The following CYFIP1 variants were observed in gnomAD, a reference collection of about 807,000 sequenced individuals.
The protein encoded by CYFIP1 is cytoplasmic FMR1 interacting protein 1.
Under a neutral mutation model 163.5 loss-of-function variants are expected in CYFIP1, and 58 were observed. That is an observed-to-expected ratio of 0.35 (90% CI 0.29 to 0.44). The LOEUF is 0.44. Ranked by LOEUF, CYFIP1 falls within the 20% of genes least tolerant of loss-of-function variation. The pLI is 1.00. For missense variants in CYFIP1, 1,338 were observed against 1,653.8 expected, an observed-to-expected ratio of 0.81 and a Z score of 3.31; for synonymous variants, 663 against 660.7, an observed-to-expected ratio of 1.00 and a Z score of -0.05.
At chr15:22,888,660 A>T (rs879472119) in intron 23 of CYFIP1, among the ~76,000 whole-genome samples, 1 of 150,462 alleles carries the variant, frequency 6.6e-6, no homozygotes, top group Admixed American at 6.7e-5. Flanking sequence ...TGAGCCTGGG[A>T]GGCGGAGGTT....
rs745545918 is a variant in CYFIP1, at chr15:22,917,894, G to C, written c.1568C>G (p.Thr523Arg). The change falls in exon 15 of 31, where the codon ACG becomes AGG. Residue 523 changes from threonine (T) to arginine (R), a missense_variant. Coordinates refer to ENST00000617928, the MANE Select transcript of CYFIP1 (RefSeq NM_014608.6). This position sits in a 1 kb window ranked among gnomAD's most constrained non-coding sequence, Gnocchi z 4.2. ...AIRKTVCDWE[T>R]GHEPFNDPAL... Reference sequence around the variant, plus strand: ...TGGGTCATTGAAGGGCTCATGCCCCGTCTCCCAGTCACACACGGTCTTCCT... The same window carrying C: ...TGGGTCATTGAAGGGCTCATGCCCCCTCTCCCAGTCACACACGGTCTTCCT... 3.1e-5 allele frequency: 50 copies of C among 1,613,632 alleles called. No homozygotes were observed. Among genetic ancestry groups the C allele is most frequent in the Non-Finnish European group, 1.7e-6 (2 of 1,179,854 alleles).
At chr15:22,964,404 C>A in intron 1 of CYFIP1, among the ~76,000 whole-genome samples, 1 of 147,324 alleles carries the variant, frequency 6.8e-6, no homozygotes, top group East Asian at 2.0e-4. Context: ...CACACACACA[C>A]ACACCCGGCA....
chr15:22,916,132 G>A (rs148578386), intron 16 of CYFIP1, among the ~76,000 whole-genome samples: 4 of 152,292 alleles, frequency 2.6e-5, no homozygotes, highest in Non-Finnish European at 5.9e-5. Flanking sequence ...TTCCCCCCAC[G>A]TCATGGTCTG....
chr15:22,916,913 C>G (rs367586619), intron 15 of CYFIP1: 47 of 1,551,622 alleles, frequency 3.0e-5, no homozygotes, highest in Non-Finnish European at 7.0e-6. Context: ...GGTAGGTGCA[C>G]GACTGCCTCA....
rs2063304530 is a variant in CYFIP1, at chr15:22,977,030, T to A, written c.-7+3257A>T. On this transcript the variant is annotated intron_variant, in intron 1 of 30. Transcript: ENST00000617928. The stretch of plus-strand genomic sequence containing the variant: ...GCCTGACCAACACGGAGAAACCCCA[T>A]CTCTACTAAAAACACAAAATTAGCC... 3.3e-5 allele frequency among the ~76,000 whole-genome samples: 5 copies of A among 151,926 alleles called. No individual in the cohort carries two copies. The South Asian group carries it at 1.0e-3, about 32-fold the overall frequency.
chr15:22,923,942 C>CAAAAAAAAAAAAAAA (rs916058496), intron 13 of CYFIP1, among the ~76,000 whole-genome samples: 2 of 61,796 alleles, frequency 3.2e-5, no homozygotes, highest in African/African-American at 7.3e-5. Flanking sequence ...ACCTTGTCTC[C>CAAAAAAAAAAAAAAA]AAAAAAAAAA....
chr15:22,903,632 C>T, intron 22 of CYFIP1, 74 bp downstream of exon 22: 1 of 1,497,470 alleles, frequency 6.7e-7, no homozygotes, highest in Non-Finnish European at 9.2e-7. Flanking sequence ...GACCTGGTGA[C>T]ATGGAGGAAG....
chr15:22,936,669 C>T (rs1356799761), intron 9 of CYFIP1, among the ~76,000 whole-genome samples: 5 of 152,194 alleles, frequency 3.3e-5, no homozygotes, highest in Admixed American at 3.3e-4. Flanking sequence ...CAACAGAGGA[C>T]AGTCGACCAG....
chr15:22,917,772 C>A lies in CYFIP1; in HGVS notation c.1674+16G>T. On this transcript the variant is annotated intron_variant, in intron 15 of 30. Transcript: ENST00000617928. This position sits in a 1 kb window ranked among gnomAD's most constrained non-coding sequence, Gnocchi z 4.2. ...CCCCAGGGAGAGGGTGCAGGCGGGGCTCAAGGGACGAGAACCTGAGTGCTG... is the reference window on the plus strand; with the variant it reads ...CCCCAGGGAGAGGGTGCAGGCGGGGATCAAGGGACGAGAACCTGAGTGCTG... The A allele has an allele frequency of 6.3e-7, 1 of 1,588,426 alleles. No individual in the cohort carries two copies. Among genetic ancestry groups the A allele is most frequent in the South Asian group, 1.2e-5 (1 of 86,038 alleles).
intron 11 of CYFIP1, among the ~76,000 whole-genome samples, chr15:22,931,078 A>G (rs2142216177): frequency 6.6e-6 from 1 of 152,238 alleles, no homozygotes; most frequent in African/African-American, 2.4e-5. Context: ...GTTTGGTTAC[A>G]TGATGATGAC....
rs2060753308 is a variant in CYFIP1 at position 22,910,597 on chromosome 15, A to T, written c.2191T>A (p.Cys731Ser). 3 of 1,614,070 alleles carry T rather than the reference A, an allele frequency of 1.9e-6. No individual in the cohort carries two copies. In the African/African-American group the frequency reaches 4.0e-5, roughly 22 times the overall value. ...TGGATCGTGGCTCCCTGATTCTTGC[A>T]TTCTGATCGTAACCGTTTATCAAGA... is the stretch of plus-strand genomic sequence containing the variant. ...LLLDKRLRSE[C>S]KNQGATIHLP... Residue 731 changes from cysteine to serine, a missense_variant, in exon 20 of 31, where the codon TGC becomes AGC. This residue lies in a region of CYFIP1 where 824 missense variants were observed against 995.7 expected (regional missense o/e 0.83). Transcript: ENST00000617928.
chr15:22,896,932 C>T (rs2060255075), intron 22 of CYFIP1, among the ~76,000 whole-genome samples: 1 of 152,102 alleles, frequency 6.6e-6, no homozygotes, highest in South Asian at 2.1e-4. Context: ...GTTGGCCGGG[C>T]GAGGTGGCTC....
chr15:22,934,784 C>T (rs2061662140), intron 9 of CYFIP1, among the ~76,000 whole-genome samples: 1 of 152,026 alleles, frequency 6.6e-6, no homozygotes, highest in Non-Finnish European at 1.5e-5. Flanking sequence ...AGGCATAAGC[C>T]ACCGTGCCCA....
intron 10 of CYFIP1, 87 bp downstream of exon 10, chr15:22,933,715 C>T: frequency 1.1e-6 from 1 of 950,838 alleles, no homozygotes; most frequent in East Asian, 2.4e-5. Flanking sequence ...ACAGTGTTAT[C>T]TCTAGACAAA....
rs768964942 is a variant in CYFIP1 at position 22,944,875 on chromosome 15, C to T, written c.272G>A (p.Arg91Gln). The T allele has an allele frequency of 3.1e-6, 5 of 1,613,934 alleles. No individual in the cohort carries two copies. The highest frequency in any genetic ancestry group is 2.2e-5 in the East Asian group (1 of 44,872). The change falls in exon 4 of 31, where the codon CGG becomes CAG. Residue 91 changes from arginine to glutamine, a missense_variant. Coordinates refer to ENST00000617928, the MANE Select transcript of CYFIP1 (RefSeq NM_014608.6). ...CGAGCGTGGCACCTGTGGGATGGCC[C>T]GGGAGCAGCTCCTCCAGGTGTACAG... The part of the protein sequence containing the change: ...VMLYTWRSCS[R>Q]AIPQVKCNEQ...
Position 22,918,780 on chromosome 15 carries a change from C to A in CYFIP1, c.1438G>T (p.Val480Phe). ...SVFNHAIRHT[V>F]YAALQDFSQV... is the part of the protein sequence containing the mutation. ...GAGAAGTCCTGCAGTGCGGCATAGA[C>A]GGTGTGCCGGATGGCGTGGTTGAAC... The change falls in exon 14 of 31, where the codon GTC becomes TTC. Residue 480 changes from valine (V) to phenylalanine (F), a missense_variant. Coordinates refer to ENST00000617928, the MANE Select transcript of CYFIP1 (RefSeq NM_014608.6). 1.9e-6 allele frequency: 3 copies of A among 1,613,410 alleles called. No homozygotes were observed. Among genetic ancestry groups the A allele is most frequent in the Non-Finnish European group, 2.5e-6 (3 of 1,179,564 alleles).
chr15:22,921,655 A>G (rs987106253), intron 13 of CYFIP1, among the ~76,000 whole-genome samples: 1 of 151,760 alleles, frequency 6.6e-6, no homozygotes, highest in Non-Finnish European at 1.5e-5. Flanking sequence ...TGTATCTACT[A>G]AAAATACAAA....
In CYFIP1 at chr15:22,870,007, T is replaced by TA. The variant is rs1168786531; in HGVS notation, c.*20dup. 1 of 1,558,640 alleles carries TA rather than the reference T, an allele frequency of 6.4e-7. No homozygotes were observed. The highest frequency in any genetic ancestry group is 1.4e-5 in the African/African-American group (1 of 71,750). On this transcript the variant is annotated 3_prime_UTR_variant, in exon 31 of 31. Coordinates refer to ENST00000617928, the MANE Select transcript of CYFIP1 (RefSeq NM_014608.6). ...GAGAGAAAGGCATGCCATGTTGAGT[T>TA]ACGGAGTGCAGCGCGTGCCCTCAGC...
In CYFIP1 at chr15:22,942,768, C is replaced by T. The variant is rs1046751422; in HGVS notation, c.569+405G>A. Among the ~76,000 whole-genome samples, 44 of 152,274 alleles carry T rather than the reference C, an allele frequency of 2.9e-4. 1 individual carries two copies. Among genetic ancestry groups the T allele is most frequent in the Admixed American group, 2.0e-3 (30 of 15,284 alleles). ...CTGGGGACCCCCGCTGGCGAGTGACCGGCACCGAGGACTGCAGCCCCAACG... is the reference window on the plus strand; with the variant it reads ...CTGGGGACCCCCGCTGGCGAGTGACTGGCACCGAGGACTGCAGCCCCAACG... On this transcript the variant is annotated intron_variant, in intron 6 of 30. Transcript: ENST00000617928.
Sources: gnomAD v4.1 joint callset for allele counts (sites outside exome capture counted in the v4.1 genomes callset) on GRCh38, gnomAD v4.1.1 for gene constraint, gnomAD v4.1.1 regional missense constraint, Gnocchi (gnomAD v3.1) non-coding constraint, MANE v1.5 for transcripts, NCBI Gene and HGNC (gene_info 2026-07-23, HGNC 2026-07-21) for gene names.